MTBP: variants seen among roughly 807,000 people sequenced by gnomAD.
The protein encoded by MTBP is MDM2 binding protein.
A neutral mutation model predicts 117.0 loss-of-function variants in MTBP; 101 were observed. The observed-to-expected ratio is 0.86, with a 90% CI of 0.73 to 1.02. The LOEUF (loss-of-function observed/expected upper bound fraction) is 1.02. Ranked by LOEUF, MTBP falls within the 50% of genes least tolerant of loss-of-function variation. The probability of loss-of-function intolerance (pLI) is 0.00; values close to 1 mark genes in which losing one functional copy is unlikely to be tolerated. For missense variants in MTBP, 970 were observed against 1,030.9 expected (o/e 0.94, Z 0.81); for synonymous variants, 350 against 351.5 (o/e 1.00, Z 0.05).
intron 15 of MTBP, among the ~76,000 whole-genome samples, chr8:120,503,429 G>C (rs959157941): frequency 6.6e-6 from 1 of 152,152 alleles, no homozygotes; most frequent in Non-Finnish European, 1.5e-5. Context: ...AAGACTGGGG[G>C]AGAAAAATTT....
At chr8:120,523,269 T>C in intron 21 of MTBP, 29 bp from the exon 22 acceptor site, 1 of 1,460,414 alleles carries the variant, frequency 6.8e-7, no homozygotes, top group East Asian at 2.4e-5. Context: ...AAGAGAAATC[T>C]TCTGTAATCA....
chr8:120,515,841 A>T lies in MTBP; in HGVS notation c.1980-84A>T, dbSNP rs146676878. 4.0e-4 allele frequency: 498 copies of T among 1,245,356 alleles called. 5 individuals are homozygous for T. The East Asian group carries it at 0.011, about 28-fold the overall frequency. The allele number at this position is 1,245,356 out of a possible 1,614,324, so 77.1% of individuals were successfully genotyped here. On this transcript the variant is annotated intron_variant, in intron 17 of 21. Transcript: ENST00000305949. ...AATTAAACAAGAACTCTTAAAGTAA[A>T]TGTCCTGCTATTTTCTCATTGAAAG...
At chr8:120,504,077 T>C (rs567126799) in intron 15 of MTBP, among the ~76,000 whole-genome samples, 68 of 152,226 alleles carry the variant, frequency 4.5e-4, no homozygotes, top group African/African-American at 1.4e-3. Flanking sequence ...TTATCATCAG[T>C]AGGGATTTCC....
At chr8:120,501,811 TAAG>T (rs1458786396) in intron 14 of MTBP, among the ~76,000 whole-genome samples, 6 of 152,124 alleles carry the variant, frequency 3.9e-5, no homozygotes, top group African/African-American at 1.4e-4. Flanking sequence ...TAATTTCTAA[TAAG>T]AACAGAAACT....
At chr8:120,522,334 A>G (rs13282196) in intron 20 of MTBP, among the ~76,000 whole-genome samples, 18,109 of 48,560 alleles carry the variant, frequency 0.37, 4,615 homozygotes, top group Non-Finnish European at 0.55. Flanking sequence ...ACGGTGGAGG[A>G]TGGGAGAGTA....
intron 8 of MTBP, among the ~76,000 whole-genome samples, chr8:120,459,727 T>G (rs1406199696): frequency 6.6e-6 from 1 of 152,144 alleles, no homozygotes; most frequent in Non-Finnish European, 1.5e-5. Flanking sequence ...AAGTTGTTTA[T>G]AACCTTGGGT....
chr8:120,480,240 A>AAC (rs1262166873), intron 11 of MTBP, among the ~76,000 whole-genome samples: 3 of 151,306 alleles, frequency 2.0e-5, no homozygotes, highest in South Asian at 2.1e-4. Flanking sequence ...CTCTACAAAA[A>AAC]AAAAAAAACA....
At chr8:120,467,777 A>G (rs1232454556) in intron 10 of MTBP, among the ~76,000 whole-genome samples, 2 of 152,228 alleles carry the variant, frequency 1.3e-5, no homozygotes, top group African/African-American at 4.8e-5. Flanking sequence ...ATTATAAACA[A>G]CTGACAATTT....
intron 10 of MTBP, 140 bp downstream of exon 10, chr8:120,463,901 G>A (rs1419236903): frequency 1.2e-5 from 8 of 692,984 alleles, no homozygotes. Flanking sequence ...GATAATTTTG[G>A]TCCTAACTCA....
intron 11 of MTBP, among the ~76,000 whole-genome samples, chr8:120,483,553 G>A (rs1814142446): frequency 6.6e-6 from 1 of 151,996 alleles, no homozygotes; most frequent in South Asian, 2.1e-4. Context: ...TTAAAAATGA[G>A]TATTATAAGG....
chr8:120,483,741 T>C (rs1261152625), intron 11 of MTBP, among the ~76,000 whole-genome samples: 1 of 152,164 alleles, frequency 6.6e-6, no homozygotes, highest in Non-Finnish European at 1.5e-5. Context: ...ATTTTATCTG[T>C]ATAGTATATC....
chr8:120,453,381 A>T (rs546132999), intron 4 of MTBP, among the ~76,000 whole-genome samples: 2 of 152,174 alleles, frequency 1.3e-5, no homozygotes, highest in East Asian at 3.9e-4. Flanking sequence ...TGGGGGATTG[A>T]GGCTGCAGTG....
rs1814696392 is a variant in MTBP, at chr8:120,506,818, G to A, written c.1840G>A (p.Gly614Arg). ...KELLKYFTSD[G>R]LPIGDLQPLP... ...ATTGCTGAAGTACTTTACCTCAGATGGATTACCCATTGGAGATCTTCAACC... is the reference window on the plus strand; with the variant it reads ...ATTGCTGAAGTACTTTACCTCAGATAGATTACCCATTGGAGATCTTCAACC... Residue 614 changes from glycine to arginine, a missense_variant, in exon 16 of 22, where the codon GGA becomes AGA. Transcript: ENST00000305949. 1 of 1,613,264 alleles carries A rather than the reference G, an allele frequency of 6.2e-7. No homozygotes were observed.
chr8:120,488,166 T>A lies in MTBP; in HGVS notation c.1173T>A (p.Asp391Glu). The change falls in exon 12 of 22, where the codon GAT (aspartate) becomes GAA (glutamate). Residue 391 changes from aspartate to glutamate, a missense_variant. Coordinates refer to ENST00000305949, the MANE Select transcript of MTBP (RefSeq NM_022045.5). The stretch of plus-strand genomic sequence containing the variant: ...ATAATTGTTTTTGTTTAGTTCCAGA[T>A]GTTGAAGTGAAAGGAGAGTGTTCTA... ...AKKPKTISVP[D>E]VEVKGECSSY... is the part of the protein sequence containing the mutation. The A allele has an allele frequency of 1.3e-6, 2 of 1,584,314 alleles. No homozygotes were observed. The highest frequency in any genetic ancestry group is 1.7e-4 in the Middle Eastern group (1 of 6,020).
intron 14 of MTBP, among the ~76,000 whole-genome samples, chr8:120,500,035 G>A (rs1814551267): frequency 6.6e-6 from 1 of 152,130 alleles, no homozygotes; most frequent in South Asian, 2.1e-4. Context: ...TCATATTTAA[G>A]TATGTAAGGT....
chr8:120,515,033 G>A (rs1814891713), intron 17 of MTBP, among the ~76,000 whole-genome samples: 1 of 109,506 alleles, frequency 9.1e-6, no homozygotes, highest in African/African-American at 2.6e-5. Flanking sequence ...GCAGTCAGAT[G>A]TTCAGGAAAT....
chr8:120,497,338 G>A (rs940429666), intron 13 of MTBP, 55 bp from the exon 14 acceptor site: 8 of 1,436,308 alleles, frequency 5.6e-6, no homozygotes, highest in Non-Finnish European at 7.5e-6. Flanking sequence ...CAAAAGACTA[G>A]TAGATGAGCT....
At chr8:120,510,134 AG>A in intron 17 of MTBP, 105 bp downstream of exon 17, 1 of 808,018 alleles carries the variant, frequency 1.2e-6, no homozygotes, top group Non-Finnish European at 1.8e-6. Context: ...AGAGACCAAG[AG>A]GATATGTCAA....
chr8:120,512,679 C>T (rs1021784868), intron 17 of MTBP, among the ~76,000 whole-genome samples: 3 of 152,046 alleles, frequency 2.0e-5, no homozygotes, highest in African/African-American at 7.2e-5. Context: ...CTACCTACTC[C>T]CATAAACAAA....
Sources: allele counts gnomAD v4.1 joint callset (sites outside exome capture counted in the v4.1 genomes callset), GRCh38; gene constraint gnomAD v4.1.1; transcripts MANE v1.5; gene names NCBI Gene and HGNC (gene_info 2026-07-23, HGNC 2026-07-21).